The following LYN variants were observed in gnomAD, a reference collection of about 807,000 sequenced individuals.
LYN encodes tyrosine-protein kinase Lyn.
Under a neutral mutation model 65.0 loss-of-function variants are expected in LYN, and 12 were observed. That is an observed-to-expected ratio of 0.18 (90% confidence interval 0.12 to 0.30). The LOEUF is 0.30. Ranked by LOEUF, LYN falls within the 10% of genes least tolerant of loss-of-function variation. The pLI, the probability that LYN is intolerant of heterozygous loss-of-function variation, is 1.00. For synonymous variants in LYN, 222 were observed against 221.2 expected (o/e 1.00, Z -0.03); for missense variants, 380 against 623.2 (o/e 0.61, Z 4.16).
At chr8:55,893,444 C>T (rs1157143954) in intron 1 of LYN, among the ~76,000 whole-genome samples, 1 of 152,170 alleles carries the variant, frequency 6.6e-6, no homozygotes, top group African/African-American at 2.4e-5. Flanking sequence ...TGATGCTGTT[C>T]TTCAATAAAA....
intron 1 of LYN, 30 bp downstream of exon 1, chr8:55,880,133 G>A: frequency 4.3e-6 from 1 of 233,214 alleles, no homozygotes. Flanking sequence ...CCAGGGGTGG[G>A]CGCGGGCACG....
At chr8:55,921,069 C>T (rs1805934117) in intron 1 of LYN, among the ~76,000 whole-genome samples, 2 of 152,124 alleles carry the variant, frequency 1.3e-5, no homozygotes, top group South Asian at 4.1e-4. Flanking sequence ...TAATGGGGGA[C>T]ATTTTGTTTG....
intron 8 of LYN, among the ~76,000 whole-genome samples, chr8:55,959,815 A>AT (rs1807223115): frequency 6.6e-6 from 1 of 151,908 alleles, no homozygotes; most frequent in Admixed American, 6.6e-5. Flanking sequence ...GTATTTGGCA[A>AT]TAAAAAAAAA....
chr8:55,899,257 T>A (rs550520129), intron 1 of LYN, among the ~76,000 whole-genome samples: 7 of 152,338 alleles, frequency 4.6e-5, no homozygotes, highest in Non-Finnish European at 8.8e-5. Flanking sequence ...GATATTCTTG[T>A]TATTGATAAG....
intron 2 of LYN, among the ~76,000 whole-genome samples, chr8:55,943,575 CAA>C (rs71555625): frequency 1.1e-3 from 82 of 77,874 alleles, no homozygotes; most frequent in African/African-American, 3.4e-3. Context: ...GACTCTGTCT[CAA>C]AAAAAAAAAA....
At chr8:55,898,114 T>C (rs974502247) in intron 1 of LYN, among the ~76,000 whole-genome samples, 20 of 151,786 alleles carry the variant, frequency 1.3e-4, no homozygotes, top group African/African-American at 4.4e-4. Flanking sequence ...TACAGAAAAG[T>C]TCTGTGACAC....
At chr8:55,898,436 G>A (rs1403702258) in intron 1 of LYN, among the ~76,000 whole-genome samples, 2 of 151,912 alleles carry the variant, frequency 1.3e-5, no homozygotes, top group East Asian at 3.9e-4. Context: ...CCACAGGCAC[G>A]TGCAACCATG....
chr8:55,977,441 G>T (rs973267506), intron 10 of LYN, among the ~76,000 whole-genome samples: 3 of 152,180 alleles, frequency 2.0e-5, no homozygotes, highest in African/African-American at 7.2e-5. Flanking sequence ...ACACACCAGG[G>T]TGTTCTTTAT....
At chr8:55,973,735 G>A (rs576029607) in intron 10 of LYN, among the ~76,000 whole-genome samples, 186 of 152,280 alleles carry the variant, frequency 1.2e-3, no homozygotes, top group African/African-American at 4.2e-3. Flanking sequence ...TCTCTGAAGT[G>A]CAAAAATTAC....
intron 1 of LYN, among the ~76,000 whole-genome samples, chr8:55,915,358 A>G (rs1471081991): frequency 1.3e-5 from 2 of 152,246 alleles, no homozygotes. Flanking sequence ...ACTCTTTAAA[A>G]AAATACTTCT....
chr8:56,000,115 G>T (rs57095067), intron 12 of LYN, among the ~76,000 whole-genome samples: 2 of 152,034 alleles, frequency 1.3e-5, no homozygotes, highest in African/African-American at 4.8e-5. Flanking sequence ...AGAATGTTCC[G>T]GGCATGGTTG....
At chr8:55,892,930 C>A (rs1487355393) in intron 1 of LYN, among the ~76,000 whole-genome samples, 1 of 152,076 alleles carries the variant, frequency 6.6e-6, no homozygotes, top group Non-Finnish European at 1.5e-5. Context: ...TTGACCCTCC[C>A]CCAAGCAGTA....
rs1806812868 is a variant in LYN at position 55,947,489 on chromosome 8, C to G, written c.179-129C>G. Reference sequence around the variant, plus strand: ...CCGTGCAGACCCTGAGCCCACTAGGCAGGAAGCACATGTCCTTCTTCCAGT... The same window carrying G: ...CCGTGCAGACCCTGAGCCCACTAGGGAGGAAGCACATGTCCTTCTTCCAGT... On this transcript the variant is annotated intron_variant, in intron 3 of 12. Coordinates refer to ENST00000519728, the MANE Select transcript of LYN (RefSeq NM_002350.4). 9 of 687,852 alleles carry G rather than the reference C, an allele frequency of 1.3e-5. No individual in the cohort carries two copies. The South Asian group carries it at 1.5e-4, about 11-fold the overall frequency. 42.6% of individuals were successfully genotyped at this position (687,852 alleles called of 1,614,324 possible).
intron 10 of LYN, among the ~76,000 whole-genome samples, chr8:55,976,512 C>T (rs115741345): frequency 0.011 from 1,639 of 152,228 alleles, 29 homozygotes; most frequent in African/African-American, 0.033. Flanking sequence ...ATCCTGAGCA[C>T]AGCCAGGCAC....
At chr8:55,965,336 C>T (rs1322371094) in intron 8 of LYN, among the ~76,000 whole-genome samples, 6 of 152,142 alleles carry the variant, frequency 3.9e-5, no homozygotes, top group South Asian at 2.1e-4. Flanking sequence ...CCCCTGAAGG[C>T]CTCCCAGGGC....
chr8:55,927,910 A>G (rs751432539), intron 1 of LYN, among the ~76,000 whole-genome samples: 1 of 152,114 alleles, frequency 6.6e-6, no homozygotes, highest in East Asian at 1.9e-4. Context: ...TACGTTTTCA[A>G]CTCACTTGGG....
rs142946786 is a variant in LYN at position 55,950,640 on chromosome 8, G to A, written c.384-41G>A. ...TAATATTCTTCACCTTTTTCTTGCC[G>A]TGGAACATAATATGCAGGAAATGTT... On this transcript the variant is annotated intron_variant, in intron 5 of 12. Coordinates refer to ENST00000519728, the MANE Select transcript of LYN (RefSeq NM_002350.4). 1.2e-4 allele frequency: 191 copies of A among 1,577,200 alleles called. No individual in the cohort carries two copies. In the African/African-American group the frequency reaches 1.5e-3, roughly 12 times the overall value.
chr8:55,892,415 A>G (rs761545730), intron 1 of LYN, among the ~76,000 whole-genome samples: 18 of 152,216 alleles, frequency 1.2e-4, no homozygotes, highest in Non-Finnish European at 2.4e-4. Flanking sequence ...GCAAGACTCC[A>G]TCTCAAAAAA....
chr8:55,894,375 AT>A (rs34910040), intron 1 of LYN, among the ~76,000 whole-genome samples: 53,149 of 144,800 alleles, frequency 0.37, 10,158 homozygotes, highest in Middle Eastern at 0.51. Context: ...AACTTTCTTA[AT>A]TTTTTTTTTT....
Sources: allele counts gnomAD v4.1 joint callset (sites outside exome capture counted in the v4.1 genomes callset), GRCh38; gene constraint gnomAD v4.1.1; transcripts MANE v1.5; gene names NCBI Gene and HGNC (gene_info 2026-07-23, HGNC 2026-07-21).